The following USP35 variants were observed in gnomAD, a reference collection of about 807,000 sequenced individuals.
USP35 encodes the protein ubiquitin specific peptidase 35, also known as ubiquitin carboxyl-terminal hydrolase 35.
A neutral mutation model predicts 83.8 loss-of-function variants in USP35; 69 were observed. The observed-to-expected ratio is 0.82, with a 90% CI of 0.68 to 1.01. The LOEUF is 1.01. Ranked by LOEUF, USP35 falls within the 50% of genes least tolerant of loss-of-function variation. USP35 has a pLI of 0.00. For missense variants in USP35, 1,503 were observed against 1,362.5 expected (o/e 1.10, Z -1.62); for synonymous variants, 714 against 589.5 (o/e 1.21, Z -3.06).
chr11:78,195,999 A>G (rs6592768), intron 1 of USP35, among the ~76,000 whole-genome samples: 8,986 of 152,220 alleles, frequency 0.059, 873 homozygotes, highest in African/African-American at 0.2. Flanking sequence ...AAGTGCTGGG[A>G]TTACAGGTGT....
At chr11:78,218,631 T>G (rs1864264756), downstream of USP35, 1 of 153,190 alleles carries the variant, frequency 6.5e-6, no homozygotes, top group Non-Finnish European at 1.5e-5. Flanking sequence ...GGCCTCAGCC[T>G]CAAAGTGGGT....
chr11:78,216,205 C>T (rs988930747), downstream of USP35: 1 of 152,564 alleles, frequency 6.6e-6, no homozygotes, highest in African/African-American at 2.4e-5. Flanking sequence ...CCCTATTTCT[C>T]ATCGTTCTCA....
chr11:78,200,717 G>T lies in USP35; in HGVS notation c.1106G>T (p.Cys369Phe), dbSNP rs1220926692. 1 of 1,614,176 alleles carries T rather than the reference G, an allele frequency of 6.2e-7. No individual in the cohort carries two copies. Among genetic ancestry groups the T allele is most frequent in the East Asian group, 2.2e-5 (1 of 44,884 alleles). ...GAGGACTCGAACTCGGGGACCAGCTGCCTGGAGCAGCTGGCGGAGCTGGTC... is the reference window on the plus strand; with the variant it reads ...GAGGACTCGAACTCGGGGACCAGCTTCCTGGAGCAGCTGGCGGAGCTGGTC... ...VKEDSNSGTSCLEQLAELVHC... is the reference protein window; with the variant it reads ...VKEDSNSGTSFLEQLAELVHC... Residue 369 changes from cysteine to phenylalanine, a missense_variant, in exon 6 of 11, where the codon TGC becomes TTC. Transcript: ENST00000529308.
At chr11:78,206,814 G>A (rs529497672) in intron 7 of USP35, among the ~76,000 whole-genome samples, 3 of 152,348 alleles carry the variant, frequency 2.0e-5, no homozygotes, top group Non-Finnish European at 4.4e-5. Flanking sequence ...AGAGCTGCTT[G>A]TGAGAACAGG....
In USP35 at chr11:78,209,499, G is replaced by A; in HGVS notation, c.1644G>A (p.Gln548=). ...TGTRICQKLK[Q]SSSPSPPEEP... is the part of the protein sequence containing the mutation. ...CAAGGATCTGCCAGAAACTCAAGCA[G>A]TCCAGCTCGCCCTCTCCGCCCGAGG... The change falls in exon 10 of 11, where the codon CAG becomes CAA. Residue 548 remains glutamine, a synonymous_variant. Transcript: ENST00000529308. The A allele has an allele frequency of 6.2e-7, 1 of 1,613,790 alleles. No individual in the cohort carries two copies. Among genetic ancestry groups the A allele is most frequent in the Non-Finnish European group, 8.5e-7 (1 of 1,179,804 alleles).
the USP35 span, among the ~76,000 whole-genome samples, chr11:78,235,799 AG>A: frequency 6.6e-6 from 1 of 152,188 alleles, no homozygotes; most frequent in Non-Finnish European, 1.5e-5. Flanking sequence ...ACAAGTCTCT[AG>A]GAAGTTCCAG....
At chr11:78,204,978 A>G (rs1354803975) in intron 6 of USP35, among the ~76,000 whole-genome samples, 1 of 152,240 alleles carries the variant, frequency 6.6e-6, no homozygotes, top group East Asian at 1.9e-4. Context: ...AATCTAAGGC[A>G]TTGTGACCAG....
intron 6 of USP35, among the ~76,000 whole-genome samples, chr11:78,201,664 C>T (rs1863363732): frequency 6.6e-6 from 1 of 152,166 alleles, no homozygotes; most frequent in African/African-American, 2.4e-5. Context: ...GCTACTGCTA[C>T]ACTTGAGATT....
chr11:78,210,630 G>C lies in USP35; in HGVS notation c.2775G>C (p.Gln925His). 6.2e-7 allele frequency: 1 copy of C among 1,614,164 alleles called. No individual in the cohort carries two copies. The highest frequency in any genetic ancestry group is 1.3e-5 in the African/African-American group (1 of 75,070). ...CAGCCTATGTGCTGTTTTACCGGCA[G>C]CGGCCCAGGGAGGGGCCCGAGGCTG... ...KDTAYVLFYR[Q>H]RPREGPEAEL... The change falls in exon 10 of 11, where the codon CAG becomes CAC. Residue 925 changes from glutamine to histidine, a missense_variant. Gln to His is a conservative substitution (Grantham distance 24). Transcript: ENST00000529308.
At chr11:78,204,596 C>T (rs575726653) in intron 6 of USP35, among the ~76,000 whole-genome samples, 8 of 152,210 alleles carry the variant, frequency 5.3e-5, no homozygotes, top group Non-Finnish European at 7.4e-5. Flanking sequence ...TGCGTGTGCA[C>T]GGATATGTGG....
At chr11:78,200,388 T>C (rs971061174) in intron 5 of USP35, among the ~76,000 whole-genome samples, 154 bp downstream of exon 5, 1 of 152,248 alleles carries the variant, frequency 6.6e-6, no homozygotes, top group African/African-American at 2.4e-5. Context: ...TCGTGGGCTC[T>C]GGCCTCCCTT....
rs148628755 is a variant in USP35 at position 78,211,571 on chromosome 11, C to T, written c.2889+827C>T. Among the ~76,000 whole-genome samples the T allele has an allele frequency of 1.8e-3, 274 of 152,312 alleles. 2 individuals carry two copies. The highest frequency in any genetic ancestry group is 3.5e-3 in the South Asian group (17 of 4,828). ...TTGAATTAATTTACACTCCCACCAA[C>T]AGTGTAAAGGTATTCCTATTTCTCT... is the stretch of plus-strand genomic sequence containing the variant. On this transcript the variant is annotated intron_variant, in intron 10 of 10. Coordinates refer to ENST00000529308, the MANE Select transcript of USP35 (RefSeq NM_020798.4).
the USP35 span, among the ~76,000 whole-genome samples, chr11:78,234,818 T>C: frequency 6.6e-6 from 1 of 152,002 alleles, no homozygotes; most frequent in African/African-American, 2.4e-5. Context: ...TTTGGTTGCT[T>C]GGCCAACATG....
intron 2 of USP35, 75 bp from the exon 3 acceptor site, chr11:78,197,861 C>A: frequency 1.9e-6 from 3 of 1,550,288 alleles, no homozygotes; most frequent in Non-Finnish European, 2.6e-6. Context: ...TTCGTTGGCT[C>A]CTGCAGGGCA....
chr11:78,222,665 C>T, the USP35 span, among the ~76,000 whole-genome samples: 1 of 152,018 alleles, frequency 6.6e-6, no homozygotes, highest in African/African-American at 2.4e-5. Context: ...TCACTGCAAC[C>T]TCTGCCTCCT....
At chr11:78,226,742 C>T in the USP35 span, 2 of 1,614,016 alleles carry the variant, frequency 1.2e-6, no homozygotes, top group African/African-American at 1.3e-5. Context: ...TATTGTCTAC[C>T]AGGAGGTCCC....
At chr11:78,231,034 A>G in the USP35 span, among the ~76,000 whole-genome samples, 1 of 152,226 alleles carries the variant, frequency 6.6e-6, no homozygotes, top group Non-Finnish European at 1.5e-5. Context: ...GCAAGATACT[A>G]TGCCATACAT....
In USP35 at chr11:78,213,722, T is replaced by C. The variant is rs1362008596; in HGVS notation, c.2966T>C (p.Phe989Ser). 2 of 1,534,020 alleles carry C rather than the reference T, an allele frequency of 1.3e-6. No individual in the cohort carries two copies. Among genetic ancestry groups the C allele is most frequent in the Non-Finnish European group, 1.7e-6 (2 of 1,150,974 alleles). The change falls in exon 11 of 11, where the codon TTT becomes TCT. Residue 989 changes from phenylalanine (F) to serine (S), a missense_variant. Phe to Ser is a radical substitution (Grantham distance 155). Transcript: ENST00000529308. ...ACATCTCCGCACTGGGGGAGGGGCT[T>C]TGATGAAGACAAGGATGAGGATGAA... is the stretch of plus-strand genomic sequence containing the variant. The part of the protein sequence containing the change: ...LPTSPHWGRG[F>S]DEDKDEDEGS...
Position 78,196,593 on chromosome 11 carries a change from G to C in USP35, c.348G>C (p.Ala116=). 2 of 1,255,558 alleles carry C rather than the reference G, an allele frequency of 1.6e-6. No homozygotes were observed. The highest frequency in any genetic ancestry group is 2.0e-6 in the Non-Finnish European group (2 of 999,616). 77.8% of individuals were successfully genotyped at this position (1,255,558 alleles called of 1,614,324 possible). Residue 116 remains alanine, a synonymous_variant, in exon 2 of 11, where the codon GCG becomes GCC. Coordinates refer to ENST00000529308, the MANE Select transcript of USP35 (RefSeq NM_020798.4). This position sits in a 1 kb window ranked among gnomAD's most constrained non-coding sequence, Gnocchi z 4.8. ...LGLQLLPEGP[A]ADEVFALLRR... ...TGCAGCTGCTGCCCGAGGGGCCTGC[G>C]GCCGACGAGGTGTTCGCGCTGCTGC...
Sources: allele counts gnomAD v4.1 joint callset (sites outside exome capture counted in the v4.1 genomes callset), GRCh38; gene constraint gnomAD v4.1.1; non-coding constraint Gnocchi (gnomAD v3.1); transcripts MANE v1.5; gene names NCBI Gene and HGNC (gene_info 2026-07-23, HGNC 2026-07-21).